The following FKTN variants were observed in gnomAD, a reference collection of about 807,000 sequenced individuals.
The protein encoded by FKTN is ribitol-5-phosphate transferase FKTN.
FKTN carries 47 observed loss-of-function variants against 58.6 expected under a neutral mutation model. That is an observed-to-expected ratio of 0.80 (90% confidence interval 0.63 to 1.02). FKTN has a LOEUF of 1.02. FKTN is among the 50% of genes least tolerant of loss of function. The pLI is 0.00. For synonymous variants in FKTN, 178 were observed against 191.9 expected, an observed-to-expected ratio of 0.93 and a Z score of 0.60; for missense variants, 516 against 537.3, an observed-to-expected ratio of 0.96 and a Z score of 0.39.
At chr9:105,607,996 G>C in intron 7 of FKTN, 45 bp downstream of exon 7, 1 of 1,555,780 alleles carries the variant, frequency 6.4e-7, no homozygotes, top group Admixed American at 1.7e-5. Flanking sequence ...AGAAAATGTT[G>C]GGATTATTTT....
At chr9:105,589,324 C>A (rs1844442095) in intron 3 of FKTN, among the ~76,000 whole-genome samples, 1 of 151,990 alleles carries the variant, frequency 6.6e-6, no homozygotes, top group Non-Finnish European at 1.5e-5. Context: ...ATGGTGAAAC[C>A]CTGTCTCTAC....
rs938548521 is a variant in FKTN at position 105,635,162 on chromosome 9, G to T, written c.1284G>T (p.Lys428Asn). 6.2e-7 allele frequency: 1 copy of T among 1,614,118 alleles called. No homozygotes were observed. Among genetic ancestry groups the T allele is most frequent in the Non-Finnish European group, 8.5e-7 (1 of 1,179,940 alleles). ...AAGCCAACTATGGTAAGACCTGGAA[G>T]ATTCCTGTAAAGACGTGGGACTGGA... ...YIEANYGKTW[K>N]IPVKTWDWKR... Residue 428 changes from lysine to asparagine, a missense_variant, in exon 11 of 11, where the codon AAG (lysine) becomes AAT (asparagine). Transcript: ENST00000357998.
chr9:105,563,967 G>A (rs1294320483), intron 1 of FKTN, among the ~76,000 whole-genome samples: 2 of 152,190 alleles, frequency 1.3e-5, no homozygotes, highest in Admixed American at 6.5e-5. Flanking sequence ...CCAGAGGAAC[G>A]ATCAGGCAGC....
chr9:105,582,553 A>G (rs761407984), intron 3 of FKTN, among the ~76,000 whole-genome samples: 1 of 152,112 alleles, frequency 6.6e-6, no homozygotes, highest in African/African-American at 2.4e-5. Context: ...AAACCACCCA[A>G]TATCTAATGT....
intron 10 of FKTN, among the ~76,000 whole-genome samples, chr9:105,631,655 A>G (rs1833469832): frequency 6.6e-6 from 1 of 152,028 alleles, no homozygotes; most frequent in Admixed American, 6.5e-5. Context: ...CAGCCAAAAA[A>G]CACATGAAAA....
intron 3 of FKTN, among the ~76,000 whole-genome samples, chr9:105,580,067 C>T (rs1443247378): frequency 1.3e-4 from 19 of 151,806 alleles, no homozygotes; most frequent in Admixed American, 5.9e-4. Context: ...TGTCTCTGCA[C>T]GTGAGATGGG....
chr9:105,608,959 C>A (rs1455098832), intron 7 of FKTN, among the ~76,000 whole-genome samples: 1 of 152,150 alleles, frequency 6.6e-6, no homozygotes, highest in African/African-American at 2.4e-5. Context: ...TTAAACTTGA[C>A]CGCTCTTCCT....
In FKTN at chr9:105,640,194, A is replaced by G. The variant is rs1250193357; in HGVS notation, c.*4930A>G. On this transcript the variant is annotated 3_prime_UTR_variant, in exon 11 of 11. Transcript: ENST00000357998. ...TTCATAAGTGAAACAGACTAATTCA[A>G]TGGCAATACCTTTTGTATAGGTCCT... The G allele has an allele frequency of 6.5e-7, 1 of 1,529,150 alleles. No individual in the cohort carries two copies. Among genetic ancestry groups the G allele is most frequent in the African/African-American group, 1.4e-5 (1 of 72,888 alleles). 94.7% of individuals were successfully genotyped at this position (1,529,150 alleles called of 1,614,324 possible).
intron 10 of FKTN, among the ~76,000 whole-genome samples, chr9:105,627,269 C>T (rs1832863607): frequency 6.6e-6 from 1 of 151,948 alleles, no homozygotes; most frequent in African/African-American, 2.4e-5. Flanking sequence ...GCCATGCCAG[C>T]CCTTCTTTAC....
intron 3 of FKTN, among the ~76,000 whole-genome samples, chr9:105,595,612 C>A (rs1287304151): frequency 6.6e-6 from 1 of 152,136 alleles, no homozygotes; most frequent in East Asian, 1.9e-4. Flanking sequence ...TTAGTATCTT[C>A]ATCTCTCCAT....
intron 7 of FKTN, among the ~76,000 whole-genome samples, chr9:105,611,474 A>G (rs554955504): frequency 6.6e-6 from 1 of 152,204 alleles, no homozygotes; most frequent in Admixed American, 6.5e-5. Flanking sequence ...CCTAGTACCT[A>G]TTAGTTATTT....
intron 1 of FKTN, among the ~76,000 whole-genome samples, chr9:105,568,535 A>G (rs1349911851): frequency 6.6e-6 from 1 of 152,250 alleles, no homozygotes; most frequent in African/African-American, 2.4e-5. Flanking sequence ...GACACATGAA[A>G]AAATGCTCAT....
intron 3 of FKTN, among the ~76,000 whole-genome samples, chr9:105,590,602 C>T (rs947935551): frequency 2.6e-5 from 4 of 152,058 alleles, no homozygotes; most frequent in Admixed American, 6.6e-5. Flanking sequence ...GTGACAGAAG[C>T]GAGTCAAGGA....
rs1453785932 is a variant in FKTN, at chr9:105,639,655, G to A, written c.*4391G>A. 14 of 919,976 alleles carry A rather than the reference G, an allele frequency of 1.5e-5. No individual in the cohort carries two copies. The highest frequency in any genetic ancestry group is 1.7e-5 in the Non-Finnish European group (13 of 770,638). 57.0% of individuals were successfully genotyped at this position (919,976 alleles called of 1,614,324 possible). ...GAATTTGCTTAAGAAAAAAAAAATT[G>A]TATCAAGTCATTAATACAATTATAC... is the stretch of plus-strand genomic sequence containing the variant. On this transcript the variant is annotated 3_prime_UTR_variant, in exon 11 of 11. Coordinates refer to ENST00000357998, the MANE Select transcript of FKTN (RefSeq NM_001079802.2).
Position 105,638,668 on chromosome 9 carries a change from C to T in FKTN, c.*3404C>T. The T allele has an allele frequency of 2.0e-6, 2 of 985,158 alleles. No homozygotes were observed. Among genetic ancestry groups the T allele is most frequent in the Non-Finnish European group, 2.4e-6 (2 of 829,794 alleles). The allele number at this position is 985,158 out of a possible 1,614,324, so 61.0% of individuals were successfully genotyped here. On this transcript the variant is annotated 3_prime_UTR_variant, in exon 11 of 11. Transcript: ENST00000357998. ...AAAGAATAATAGATGTAACTGGAGT[C>T]ACTTTGCAGTTTTCAAGATTTTTTT...
chr9:105,621,645 C>T (rs964138143), intron 10 of FKTN, among the ~76,000 whole-genome samples: 1 of 151,928 alleles, frequency 6.6e-6, no homozygotes, highest in Non-Finnish European at 1.5e-5. Flanking sequence ...ATAGTATTTA[C>T]GTTCATCTCT....
chr9:105,589,511 CTG>C (rs1491289135), intron 3 of FKTN, among the ~76,000 whole-genome samples: 1 of 149,408 alleles, frequency 6.7e-6, no homozygotes, highest in African/African-American at 2.5e-5. Flanking sequence ...CAAAAAAAAA[CTG>C]GGGGGGGCGG....
chr9:105,581,288 C>G (rs1013665282), intron 3 of FKTN, among the ~76,000 whole-genome samples: 20 of 147,916 alleles, frequency 1.4e-4, no homozygotes, highest in African/African-American at 2.5e-4. Context: ...TTTTCCCCAT[C>G]TTTGTGGTTT....
chr9:105,588,861 C>T (rs909077508), intron 3 of FKTN, among the ~76,000 whole-genome samples: 1 of 152,154 alleles, frequency 6.6e-6, no homozygotes, highest in Admixed American at 6.5e-5. Context: ...AGCTGAGCTC[C>T]CTTGCCCTTT....
Sources: gnomAD v4.1 joint callset for allele counts (sites outside exome capture counted in the v4.1 genomes callset) on GRCh38, gnomAD v4.1.1 for gene constraint, MANE v1.5 for transcripts, NCBI Gene and HGNC (gene_info 2026-07-23, HGNC 2026-07-21) for gene names.